The following PTPRM variants were observed in gnomAD, a reference collection of about 807,000 sequenced individuals.
PTPRM encodes protein tyrosine phosphatase receptor type M.
PTPRM carries 47 observed loss-of-function variants against 186.7 expected under a neutral mutation model. The observed-to-expected ratio is 0.25, with a 90% confidence interval of 0.20 to 0.32. The LOEUF is 0.32. PTPRM is among the 10% of genes least tolerant of loss of function. The pLI, the probability that PTPRM is intolerant of heterozygous loss-of-function variation, is 1.00. For synonymous variants in PTPRM, 668 were observed against 674.9 expected (o/e 0.99, Z 0.16); for missense variants, 1,494 against 1,865.0 (o/e 0.80, Z 3.66).
intron 29 of PTPRM, among the ~76,000 whole-genome samples, chr18:8,383,127 C>G (rs2095748177): frequency 6.6e-6 from 1 of 151,296 alleles, no homozygotes; most frequent in South Asian, 2.1e-4. Flanking sequence ...GTGAAACCCC[C>G]TCTCCACTAA....
intron 2 of PTPRM, among the ~76,000 whole-genome samples, chr18:7,777,788 T>G (rs1456408113): frequency 1.3e-5 from 2 of 152,218 alleles, no homozygotes; most frequent in African/African-American, 4.8e-5. Flanking sequence ...AAAAGCATCG[T>G]GATGTGATTT....
At chr18:8,036,929 C>T (rs2086369649) in intron 7 of PTPRM, among the ~76,000 whole-genome samples, 1 of 152,152 alleles carries the variant, frequency 6.6e-6, no homozygotes, top group African/African-American at 2.4e-5. Flanking sequence ...AGGAAAGTTG[C>T]TGTTTACTGG....
At chr18:7,578,267 G>A (rs944991470) in intron 1 of PTPRM, among the ~76,000 whole-genome samples, 5 of 151,870 alleles carry the variant, frequency 3.3e-5, no homozygotes, top group East Asian at 1.9e-4. Flanking sequence ...GGGCTCGAGC[G>A]ATCCTCCCAC....
chr18:8,356,933 A>T (rs1262522610), intron 23 of PTPRM, among the ~76,000 whole-genome samples: 1 of 152,228 alleles, frequency 6.6e-6, no homozygotes, highest in Non-Finnish European at 1.5e-5. Context: ...CCATGTTTAT[A>T]TGAGAGATAT....
At chr18:8,108,690 C>T (rs558317205) in intron 11 of PTPRM, among the ~76,000 whole-genome samples, 8 of 152,256 alleles carry the variant, frequency 5.3e-5, no homozygotes, top group African/African-American at 1.4e-4. Context: ...TTTTCATTCT[C>T]CTTGTAAAGG....
chr18:8,167,767 G>A (rs1248606568), intron 14 of PTPRM, among the ~76,000 whole-genome samples: 5 of 152,206 alleles, frequency 3.3e-5, no homozygotes, highest in Admixed American at 3.3e-4. Flanking sequence ...AACAGACACG[G>A]TTAGTATGTG....
At chr18:7,571,747 A>T (rs2036571220) in intron 1 of PTPRM, among the ~76,000 whole-genome samples, 1 of 152,206 alleles carries the variant, frequency 6.6e-6, no homozygotes, top group South Asian at 2.1e-4. Context: ...TTTAGTTAGT[A>T]GTGTGGTACC....
chr18:8,377,400 G>C (rs1232172933), intron 26 of PTPRM: 1 of 151,974 alleles, frequency 6.6e-6, no homozygotes, highest in Non-Finnish European at 1.5e-5. Context: ...CCTTAGAAAG[G>C]GGATACTGTG....
At chr18:8,181,154 A>G (rs896516574) in intron 14 of PTPRM, among the ~76,000 whole-genome samples, 4 of 152,210 alleles carry the variant, frequency 2.6e-5, no homozygotes, top group Non-Finnish European at 5.9e-5. Context: ...CATGAACAAA[A>G]CAAACAGAAA....
chr18:8,073,431 C>A (rs2089612262), intron 8 of PTPRM, among the ~76,000 whole-genome samples: 1 of 152,192 alleles, frequency 6.6e-6, no homozygotes, highest in Non-Finnish European at 1.5e-5. Flanking sequence ...TGTTTTAGTT[C>A]AACTTCTAAT....
At chr18:7,856,441 C>T (rs1479704006) in intron 2 of PTPRM, among the ~76,000 whole-genome samples, 2 of 152,114 alleles carry the variant, frequency 1.3e-5, no homozygotes, top group Non-Finnish European at 2.9e-5. Flanking sequence ...CCACATTAGA[C>T]CAGTTGAAAA....
At chr18:8,044,836 TA>T (rs1297616756) in intron 7 of PTPRM, among the ~76,000 whole-genome samples, 7 of 149,724 alleles carry the variant, frequency 4.7e-5, no homozygotes, top group African/African-American at 1.5e-4. Flanking sequence ...AGGATTTCTA[TA>T]AAAAAATATG....
intron 11 of PTPRM, among the ~76,000 whole-genome samples, chr18:8,092,769 A>G (rs1030001803): frequency 6.6e-6 from 1 of 152,132 alleles, no homozygotes; most frequent in African/African-American, 2.4e-5. Context: ...GTTTGAGACC[A>G]CCCTGGGCAA....
intron 7 of PTPRM, among the ~76,000 whole-genome samples, chr18:8,024,415 C>T (rs2085432344): frequency 6.6e-6 from 1 of 152,156 alleles, no homozygotes; most frequent in South Asian, 2.1e-4. Context: ...TCAAAGAGAA[C>T]TGTGAATTGA....
chr18:7,707,115 A>G lies in PTPRM; in HGVS notation c.74-67034A>G, dbSNP rs78572854. Among the ~76,000 whole-genome samples the G allele has an allele frequency of 4.0e-3, 606 of 152,320 alleles. 10 individuals carry two copies. The highest frequency in any genetic ancestry group is 0.014 in the African/African-American group (585 of 41,570). ...GTAGTTTTTAAAACCTGCCTCATGTATAAGAGAATGTTTAGGAATCTCTTT... is the reference window on the plus strand; with the variant it reads ...GTAGTTTTTAAAACCTGCCTCATGTGTAAGAGAATGTTTAGGAATCTCTTT... On this transcript the variant is annotated intron_variant, in intron 1 of 32. Coordinates refer to ENST00000580170, the MANE Select transcript of PTPRM (RefSeq NM_001105244.2).
At chr18:8,101,396 A>G (rs1335280433) in intron 11 of PTPRM, among the ~76,000 whole-genome samples, 1 of 152,336 alleles carries the variant, frequency 6.6e-6, no homozygotes, top group South Asian at 2.1e-4. Context: ...TATAGATAAC[A>G]TGGTAGCCCC....
At chr18:8,242,473 G>T (rs931776463) in intron 14 of PTPRM, among the ~76,000 whole-genome samples, 1 of 152,190 alleles carries the variant, frequency 6.6e-6, no homozygotes, top group African/African-American at 2.4e-5. Flanking sequence ...GGCTAGCTGG[G>T]AGGAGAGAGG....
intron 2 of PTPRM, among the ~76,000 whole-genome samples, chr18:7,847,572 A>G (rs1338943116): frequency 6.6e-6 from 1 of 152,120 alleles, no homozygotes; most frequent in Non-Finnish European, 1.5e-5. Flanking sequence ...CTCAATGACA[A>G]CTGGGCTCTG....
At position 8,378,424 on chromosome 18, in the gene PTPRM, G is replaced by T. The variant is rs1317299567; in HGVS notation, c.3612+10G>T. The T allele has an allele frequency of 1.2e-6, 2 of 1,613,728 alleles. No homozygotes were observed. Among genetic ancestry groups the T allele is most frequent in the South Asian group, 2.2e-5 (2 of 91,022 alleles). On this transcript the variant is annotated intron_variant, in intron 27 of 32. Coordinates refer to ENST00000580170, the MANE Select transcript of PTPRM (RefSeq NM_001105244.2). ...TAAAGAGGAATTCCGGGTAAGTGAT[G>T]CCTAAGGGAGGGGCACTGCACGGTG...
Sources: allele counts gnomAD v4.1 joint callset (sites outside exome capture counted in the v4.1 genomes callset), GRCh38; gene constraint gnomAD v4.1.1; transcripts MANE v1.5; gene names NCBI Gene and HGNC (gene_info 2026-07-23, HGNC 2026-07-21).